CPNE8: variants seen among roughly 807,000 people sequenced by gnomAD.
The protein encoded by CPNE8 is copine-8.
In CPNE8, 45 loss-of-function variants were observed where a neutral mutation model predicts 81.5. The ratio of observed to expected loss-of-function variants is 0.55; its 90% CI spans 0.44 to 0.71. The LOEUF (loss-of-function observed/expected upper bound fraction) is 0.71. Ranked by LOEUF, CPNE8 falls within the 30% of genes least tolerant of loss-of-function variation. The pLI is 0.00. For missense variants in CPNE8, 594 were observed against 672.1 expected (o/e 0.88, Z 1.28); for synonymous variants, 252 against 226.3 (o/e 1.11, Z -1.02).
chr12:38,807,783 A>T (rs1440264309), intron 6 of CPNE8, among the ~76,000 whole-genome samples: 1 of 151,902 alleles, frequency 6.6e-6, no homozygotes, highest in Admixed American at 6.6e-5. Flanking sequence ...GCTTCTGCAC[A>T]GCAAAAGAAA....
intron 19 of CPNE8, among the ~76,000 whole-genome samples, chr12:38,667,791 A>AC (rs1204997213): frequency 6.7e-6 from 1 of 150,002 alleles, no homozygotes; most frequent in Non-Finnish European, 1.5e-5. Context: ...AAGGATTCTG[A>AC]CTTTTTTTTT....
chr12:38,730,411 T>G, intron 10 of CPNE8, 53 bp from the exon 11 acceptor site: 3 of 1,043,084 alleles, frequency 2.9e-6, no homozygotes, highest in South Asian at 2.8e-5. Context: ...ATTTGTCAAC[T>G]GTATTTTAAA....
chr12:38,751,332 A>T (rs1374562151), intron 10 of CPNE8, among the ~76,000 whole-genome samples: 3 of 152,156 alleles, frequency 2.0e-5, no homozygotes, highest in African/African-American at 7.2e-5. Context: ...CGCCTTTTTT[A>T]AAAAAATTGT....
intron 3 of CPNE8, among the ~76,000 whole-genome samples, chr12:38,857,546 A>T (rs1241642885): frequency 6.6e-6 from 1 of 152,240 alleles, no homozygotes; most frequent in Middle Eastern, 3.2e-3. Flanking sequence ...ACTTGGGGAA[A>T]GTGAGCAAAC....
At chr12:38,693,407 A>G (rs1469561084) in intron 15 of CPNE8, among the ~76,000 whole-genome samples, 2 of 152,146 alleles carry the variant, frequency 1.3e-5, no homozygotes, top group Non-Finnish European at 2.9e-5. Context: ...GTTTGTTAGC[A>G]AGCAATAGAT....
At chr12:38,714,924 TA>T (rs1940349035) in intron 13 of CPNE8, among the ~76,000 whole-genome samples, 1 of 152,086 alleles carries the variant, frequency 6.6e-6, no homozygotes, top group Admixed American at 6.5e-5. Flanking sequence ...GAACCAGGCC[TA>T]AAAATAAGTT....
At chr12:38,747,911 G>C (rs916907847) in intron 10 of CPNE8, among the ~76,000 whole-genome samples, 7 of 151,832 alleles carry the variant, frequency 4.6e-5, no homozygotes, top group Admixed American at 3.9e-4. Flanking sequence ...GACAGTACTA[G>C]TATAAAGCAC....
At chr12:38,703,055 T>C (rs1250471044) in intron 13 of CPNE8, 134 bp from the exon 14 acceptor site, 1 of 533,640 alleles carries the variant, frequency 1.9e-6, no homozygotes, top group Admixed American at 3.2e-5. Flanking sequence ...TTACAGTACA[T>C]ATTGGATAGC....
upstream of CPNE8, chr12:38,905,980 CA>C (rs1433727276): frequency 6.8e-5 from 67 of 985,312 alleles, no homozygotes; most frequent in Non-Finnish European, 7.7e-5. Flanking sequence ...TCTGCACACC[CA>C]CACTCGCCTC....
At chr12:38,756,039 CAAA>C (rs60851774) in intron 10 of CPNE8, among the ~76,000 whole-genome samples, 1 of 82,358 alleles carries the variant, frequency 1.2e-5, no homozygotes, top group Non-Finnish European at 2.4e-5. Flanking sequence ...GACTCCGTCT[CAAA>C]AAAAAAAAAA....
rs869168296 is a variant in CPNE8, at chr12:38,817,614, C to CTTTTTTT, written c.407+11758_407+11764dup. Among the ~76,000 whole-genome samples the CTTTTTTT allele has an allele frequency of 1.6e-3, 143 of 90,612 alleles. 2 individuals carry two copies. The highest frequency in any genetic ancestry group is 5.3e-3 in the South Asian group (12 of 2,272). 59.4% of individuals were successfully genotyped at this position (90,612 alleles called of 152,430 possible). A position where few individuals can be genotyped will look rare whatever the true frequency, so the allele number is the denominator to read the frequency against. On this transcript the variant is annotated intron_variant, in intron 6 of 19. Coordinates refer to ENST00000331366, the MANE Select transcript of CPNE8 (RefSeq NM_153634.3). Reference sequence around the variant, plus strand: ...GTTTAAAGTTACACATTAATTTATTCTTTTTTTTTTTTTTTTTTTTTTTGT... The same window carrying CTTTTTTT: ...GTTTAAAGTTACACATTAATTTATTCTTTTTTTTTTTTTTTTTTTTTTTTTTTTTTGT...
chr12:38,719,996 TC>T (rs1258867575), intron 13 of CPNE8, among the ~76,000 whole-genome samples: 3 of 152,194 alleles, frequency 2.0e-5, no homozygotes, highest in Non-Finnish European at 4.4e-5. Flanking sequence ...AGAACTGGGT[TC>T]TTTTTTTTGA....
intron 13 of CPNE8, among the ~76,000 whole-genome samples, chr12:38,719,003 T>C (rs940862315): frequency 5.3e-5 from 8 of 152,320 alleles, no homozygotes; most frequent in South Asian, 2.1e-4. Context: ...AGATGTTAGC[T>C]ATTATCATAC....
chr12:38,850,818 C>T (rs1435096333), intron 3 of CPNE8, among the ~76,000 whole-genome samples: 1 of 152,218 alleles, frequency 6.6e-6, no homozygotes. Flanking sequence ...GTTCAAGGCA[C>T]TCTTGTTCTC....
At chr12:38,827,604 T>C (rs972947927) in intron 6 of CPNE8, among the ~76,000 whole-genome samples, 2 of 152,142 alleles carry the variant, frequency 1.3e-5, no homozygotes, top group Admixed American at 6.5e-5. Flanking sequence ...ATAAATAAAA[T>C]GTGGTAAATA....
At chr12:38,855,682 T>G (rs1662861436) in intron 3 of CPNE8, among the ~76,000 whole-genome samples, 1 of 152,130 alleles carries the variant, frequency 6.6e-6, no homozygotes, top group African/African-American at 2.4e-5. Context: ...ATAATAATAA[T>G]GCACTGTATA....
intron 6 of CPNE8, among the ~76,000 whole-genome samples, chr12:38,812,290 A>G (rs141184721): frequency 1.4e-3 from 211 of 152,302 alleles, no homozygotes; most frequent in African/African-American, 5.0e-3. Context: ...TTGGTATATT[A>G]ATCTGTTCTC....
Position 38,873,041 on chromosome 12 carries a change from A to G in CPNE8, c.149T>C (p.Leu50Ser). Reference sequence around the variant, plus strand: ...TTTATTTCCAACTCCTTGTACATATAAGACACAAACTACAAAAGATGAAAA... The same window carrying G: ...TTTATTTCCAACTCCTTGTACATATGAGACACAAACTACAAAAGATGAAAA... ...TFSKSDPICV[L>S]YVQGVGNKEW... Residue 50 changes from leucine (L) to serine (S), a missense_variant, in exon 3 of 20, where the codon TTA (leucine) becomes TCA (serine). Coordinates refer to ENST00000331366, the MANE Select transcript of CPNE8 (RefSeq NM_153634.3). The G allele has an allele frequency of 6.4e-7, 1 of 1,552,774 alleles. No individual in the cohort carries two copies. The highest frequency in any genetic ancestry group is 8.8e-7 in the Non-Finnish European group (1 of 1,130,054).
At chr12:38,891,200 C>A (rs990884636) in intron 1 of CPNE8, among the ~76,000 whole-genome samples, 9 of 151,582 alleles carry the variant, frequency 5.9e-5, no homozygotes, top group African/African-American at 1.7e-4. Flanking sequence ...CAAAGTGCTG[C>A]GATTATAGGC....
Sources: gnomAD v4.1 joint callset for allele counts (sites outside exome capture counted in the v4.1 genomes callset) on GRCh38, gnomAD v4.1.1 for gene constraint, MANE v1.5 for transcripts, NCBI Gene and HGNC (gene_info 2026-07-23, HGNC 2026-07-21) for gene names.